SYNPR: variants seen among roughly 807,000 people sequenced by gnomAD.
The protein encoded by SYNPR is synaptoporin.
In SYNPR, 23 loss-of-function variants were observed where a neutral mutation model predicts 32.9. The ratio of observed to expected loss-of-function variants is 0.70; its 90% confidence interval spans 0.50 to 0.99. The LOEUF is 0.99. SYNPR is among the 50% of genes least tolerant of loss of function. The pLI, the probability that SYNPR is intolerant of heterozygous loss-of-function variation, is 0.00. For synonymous variants in SYNPR, 146 were observed against 135.9 expected (o/e 1.07, Z -0.52); for missense variants, 318 against 349.3 (o/e 0.91, Z 0.71).
intron 3 of SYNPR, among the ~76,000 whole-genome samples, chr3:63,519,399 G>C (rs1319180270): frequency 6.6e-6 from 1 of 152,194 alleles, no homozygotes. Flanking sequence ...AGGATTAATA[G>C]AGATAAAGTC....
At chr3:63,415,429 T>TG in intron 2 of SYNPR, among the ~76,000 whole-genome samples, 1 of 152,306 alleles carries the variant, frequency 6.6e-6, no homozygotes, top group East Asian at 1.9e-4. Flanking sequence ...TTTTTTTTTT[T>TG]TTACGTTTTT....
chr3:63,516,110 T>C (rs1701794791), intron 3 of SYNPR, among the ~76,000 whole-genome samples: 1 of 152,178 alleles, frequency 6.6e-6, no homozygotes, highest in Non-Finnish European at 1.5e-5. Context: ...GTTCAAAGTA[T>C]ATCCATATGT....
chr3:63,501,541 T>C (rs1309479846), intron 3 of SYNPR, among the ~76,000 whole-genome samples: 4 of 113,490 alleles, frequency 3.5e-5, no homozygotes, highest in African/African-American at 1.3e-4. Flanking sequence ...AATAATAGAA[T>C]AGAAAAGAAA....
upstream of SYNPR, among the ~76,000 whole-genome samples, chr3:63,275,647 T>G (rs1032854530): frequency 6.6e-6 from 1 of 152,198 alleles, no homozygotes; most frequent in African/African-American, 2.4e-5. Context: ...TAAAGAGATA[T>G]AAATATGTAG....
At chr3:63,290,087 G>A (rs1021384879) in intron 2 of SYNPR, among the ~76,000 whole-genome samples, 1 of 148,780 alleles carries the variant, frequency 6.7e-6, no homozygotes, top group Non-Finnish European at 1.5e-5. Context: ...CAGAGATCAC[G>A]CCATGGCACT....
intron 2 of SYNPR, among the ~76,000 whole-genome samples, chr3:63,455,350 A>C (rs985308223): frequency 6.6e-6 from 1 of 152,176 alleles, no homozygotes; most frequent in Non-Finnish European, 1.5e-5. Context: ...TTAATTTTCC[A>C]GTCTTATTGA....
chr3:63,308,382 A>G (rs1459565933), intron 2 of SYNPR, among the ~76,000 whole-genome samples: 3 of 152,016 alleles, frequency 2.0e-5, no homozygotes, highest in Non-Finnish European at 4.4e-5. Context: ...AATTGACATA[A>G]TAAATTACTT....
At chr3:63,595,720 TATATATATATATATATATATATATATATA>T (rs1559546107) in intron 4 of SYNPR, among the ~76,000 whole-genome samples, 950 of 9,748 alleles carry the variant, frequency 0.097, 93 homozygotes, top group Middle Eastern at 0.17. Flanking sequence ...TCTTATTTTA[TATATATATATATATATATATATATATATA>T]TATATATATA....
intron 2 of SYNPR, among the ~76,000 whole-genome samples, chr3:63,357,341 T>A (rs2087597017): frequency 6.6e-6 from 1 of 152,174 alleles, no homozygotes; most frequent in Non-Finnish European, 1.5e-5. Context: ...TCTCTTTTTT[T>A]CTCTCTTTTG....
intron 3 of SYNPR, among the ~76,000 whole-genome samples, chr3:63,505,131 T>G (rs1047863989): frequency 2.6e-5 from 4 of 152,310 alleles, no homozygotes; most frequent in African/African-American, 4.8e-5. Flanking sequence ...GCCAGCACTG[T>G]GCCAAGCGCT....
At chr3:63,491,722 T>A (rs369519132) in intron 3 of SYNPR, among the ~76,000 whole-genome samples, 1 of 151,818 alleles carries the variant, frequency 6.6e-6, no homozygotes, top group South Asian at 2.1e-4. Flanking sequence ...GGTTTCACCA[T>A]GTTGGCCATG....
intron 2 of SYNPR, among the ~76,000 whole-genome samples, chr3:63,435,080 G>A (rs1457021661): frequency 6.6e-6 from 1 of 152,136 alleles, no homozygotes; most frequent in African/African-American, 2.4e-5. Flanking sequence ...CTAAACAACT[G>A]TCAGGAAGGA....
chr3:63,527,666 T>C (rs1702038552), intron 3 of SYNPR, among the ~76,000 whole-genome samples: 1 of 152,162 alleles, frequency 6.6e-6, no homozygotes, highest in Admixed American at 6.5e-5. Context: ...AAACTATCCT[T>C]GAAAAGATTT....
chr3:63,542,782 T>C (rs1198019999), intron 3 of SYNPR, among the ~76,000 whole-genome samples: 1 of 152,106 alleles, frequency 6.6e-6, no homozygotes, highest in Non-Finnish European at 1.5e-5. Context: ...GACTTGCATA[T>C]AGGAGATACT....
chr3:63,606,933 C>T (rs1330618999), intron 4 of SYNPR, among the ~76,000 whole-genome samples: 1 of 152,044 alleles, frequency 6.6e-6, no homozygotes, highest in Admixed American at 6.6e-5. Flanking sequence ...TGAGTCAAAA[C>T]ATATAAACTT....
In SYNPR at chr3:63,357,391, CT is replaced by C. The variant is rs538720371; in HGVS notation, c.84+78651del. Among the ~76,000 whole-genome samples, 513 of 152,260 alleles carry C rather than the reference CT, an allele frequency of 3.4e-3. 2 individuals are homozygous for C. The highest frequency in any genetic ancestry group is 5.8e-3 in the Non-Finnish European group (396 of 68,018). On this transcript the variant is annotated intron_variant, in intron 2 of 5. Transcript: ENST00000478300. ...TCCTGACATTCGAATGGTTTTTACC[CT>C]TCAGTGATGCTGCTTTTCTTCCATC... is the stretch of plus-strand genomic sequence containing the variant.
At chr3:63,269,134 C>T (rs2086513657) in intron 3 of SYNPR, among the ~76,000 whole-genome samples, 1 of 152,110 alleles carries the variant, frequency 6.6e-6, no homozygotes, top group South Asian at 2.1e-4. Context: ...AAATGCTTGA[C>T]CATGGAAAGG....
upstream of SYNPR, among the ~76,000 whole-genome samples, chr3:63,226,359 C>T (rs1472799769): frequency 6.6e-6 from 1 of 152,060 alleles, no homozygotes; most frequent in Non-Finnish European, 1.5e-5. Context: ...GGGTATGTAT[C>T]CAAAGGAAAA....
At chr3:63,228,777 A>T (rs1456564419) in intron 1 of SYNPR, among the ~76,000 whole-genome samples, 1 of 151,784 alleles carries the variant, frequency 6.6e-6, no homozygotes, top group Non-Finnish European at 1.5e-5. Flanking sequence ...AATAGAATTA[A>T]CCATCTGGCA....
Sources: gnomAD v4.1 joint callset for allele counts (sites outside exome capture counted in the v4.1 genomes callset) on GRCh38, gnomAD v4.1.1 for gene constraint, MANE v1.5 for transcripts, NCBI Gene and HGNC (gene_info 2026-07-23, HGNC 2026-07-21) for gene names.